Variants in RANBP2 observed in about 807,000 individuals in gnomAD.
RANBP2 encodes the protein RAN binding protein 2.
A neutral mutation model predicts 303.6 loss-of-function variants in RANBP2; 57 were observed. That is an observed-to-expected ratio of 0.19 (90% confidence interval 0.15 to 0.23). The LOEUF is 0.23. RANBP2 is among the 10% of genes least tolerant of loss of function. The pLI, the probability that RANBP2 is intolerant of heterozygous loss-of-function variation, is 1.00. For missense variants in RANBP2, 3,138 were observed against 3,780.8 expected (o/e 0.83, Z 4.46); for synonymous variants, 1,167 against 1,301.5 (o/e 0.90, Z 2.23).
chr2:108,849,239 A>G, the RANBP2 span, among the ~76,000 whole-genome samples: 2 of 152,194 alleles, frequency 1.3e-5, no homozygotes, highest in African/African-American at 4.8e-5. Flanking sequence ...ACAAAATCAT[A>G]TATTCTAATA....
At chr2:109,306,258 G>A in the RANBP2 span, among the ~76,000 whole-genome samples, 9 of 152,332 alleles carry the variant, frequency 5.9e-5, no homozygotes, top group East Asian at 1.7e-3. Context: ...AGTGGGGCCG[G>A]GATGAGGGGT....
chr2:109,087,723 A>C, the RANBP2 span, among the ~76,000 whole-genome samples: 1 of 152,180 alleles, frequency 6.6e-6, no homozygotes, highest in Non-Finnish European at 1.5e-5. Context: ...TATGAGCTGC[A>C]ACAGGGAGCT....
At chr2:109,043,635 C>T in the RANBP2 span, among the ~76,000 whole-genome samples, 6 of 152,042 alleles carry the variant, frequency 3.9e-5, no homozygotes, top group Non-Finnish European at 7.4e-5. Context: ...GTGCCTGGCC[C>T]GAATGTATTT....
the RANBP2 span, among the ~76,000 whole-genome samples, chr2:109,346,925 T>TG: frequency 3.4e-3 from 515 of 152,158 alleles, 1 homozygote; most frequent in Non-Finnish European, 5.0e-3. Context: ...TGTGTCATGG[T>TG]GGGGGGGTCT....
chr2:109,146,840 C>A, the RANBP2 span, among the ~76,000 whole-genome samples: 27,084 of 44,530 alleles, frequency 0.61, 6,363 homozygotes, highest in Middle Eastern at 0.72. Context: ...CTAACCCTCC[C>A]CTCCCCTCCC....
At chr2:109,153,366 T>G in the RANBP2 span, among the ~76,000 whole-genome samples, 2 of 152,192 alleles carry the variant, frequency 1.3e-5, no homozygotes, top group African/African-American at 4.8e-5. Flanking sequence ...TTAAAAAAAT[T>G]TGTATTTTTG....
the RANBP2 span, among the ~76,000 whole-genome samples, chr2:109,410,323 A>C: frequency 1.3e-5 from 2 of 152,232 alleles, no homozygotes; most frequent in Non-Finnish European, 2.9e-5. Flanking sequence ...GAGCTCTGTG[A>C]CAGGGAGAGA....
At chr2:109,395,400 C>T in the RANBP2 span, among the ~76,000 whole-genome samples, 3 of 152,244 alleles carry the variant, frequency 2.0e-5, no homozygotes, top group Non-Finnish European at 2.9e-5. Context: ...AACCCCTCCT[C>T]TTCCTGGGAG....
At chr2:109,221,878 T>A in the RANBP2 span, among the ~76,000 whole-genome samples, 8 of 152,078 alleles carry the variant, frequency 5.3e-5, no homozygotes, top group African/African-American at 1.9e-4. Flanking sequence ...GGAAAAGAAA[T>A]CAGTGTATCA....
chr2:109,187,577 T>C, the RANBP2 span, among the ~76,000 whole-genome samples: 278 of 152,362 alleles, frequency 1.8e-3, no homozygotes, highest in African/African-American at 5.8e-3. Flanking sequence ...CAGTCCATGC[T>C]GCACAGCTTT....
At chr2:109,307,547 A>G in the RANBP2 span, among the ~76,000 whole-genome samples, 4 of 143,258 alleles carry the variant, frequency 2.8e-5, no homozygotes, top group Admixed American at 2.8e-4. Flanking sequence ...AGCATTAGGT[A>G]TATCTCCCAA....
At chr2:109,409,862 C>T in the RANBP2 span, among the ~76,000 whole-genome samples, 40 of 152,154 alleles carry the variant, frequency 2.6e-4, no homozygotes, top group South Asian at 8.1e-3. Flanking sequence ...GGAGTGGTAG[C>T]GAGTGATGAA....
the RANBP2 span, among the ~76,000 whole-genome samples, chr2:108,865,910 T>G: frequency 6.6e-6 from 1 of 152,134 alleles, no homozygotes; most frequent in Non-Finnish European, 1.5e-5. Context: ...AGGGTAGACA[T>G]AAACCAGTTT....
the RANBP2 span, among the ~76,000 whole-genome samples, chr2:108,866,056 C>T: frequency 6.6e-6 from 1 of 152,144 alleles, no homozygotes. Context: ...AGTAGGGTAT[C>T]TGAATTGACT....
the RANBP2 span, among the ~76,000 whole-genome samples, chr2:109,348,560 C>A: frequency 6.6e-6 from 1 of 152,192 alleles, no homozygotes. Flanking sequence ...TTCTGGCTGT[C>A]CTGGCAGTTG....
At chr2:108,981,399 G>A in the RANBP2 span, among the ~76,000 whole-genome samples, 3 of 152,204 alleles carry the variant, frequency 2.0e-5, no homozygotes, top group Admixed American at 1.3e-4. Flanking sequence ...GTTGTCTGGC[G>A]CGTCTTAGGT....
the RANBP2 span, among the ~76,000 whole-genome samples, chr2:109,097,839 A>G: frequency 6.6e-6 from 1 of 151,694 alleles, no homozygotes; most frequent in Non-Finnish European, 1.5e-5. Flanking sequence ...GGCATGTTCC[A>G]TGGTTCTGAC....
At chr2:109,059,443 T>C in the RANBP2 span, among the ~76,000 whole-genome samples, 4 of 151,752 alleles carry the variant, frequency 2.6e-5, no homozygotes, top group South Asian at 2.1e-4. Context: ...GGTGTGGCGG[T>C]GGGTGCCTGT....
At chr2:109,112,647 A>G in the RANBP2 span, among the ~76,000 whole-genome samples, 2 of 151,582 alleles carry the variant, frequency 1.3e-5, no homozygotes, top group African/African-American at 2.4e-5. Context: ...ATTAGATCCC[A>G]TTTGTCAATT....
Sources: gnomAD v4.1 joint callset for allele counts (sites outside exome capture counted in the v4.1 genomes callset) on GRCh38, gnomAD v4.1.1 for gene constraint, MANE v1.5 for transcripts, NCBI Gene and HGNC (gene_info 2026-07-23, HGNC 2026-07-21) for gene names.